SALL3: variants seen among roughly 807,000 people sequenced by gnomAD.
SALL3 encodes the protein spalt like transcription factor 3, also known as sal-like protein 3.
Under a neutral mutation model 66.2 loss-of-function variants are expected in SALL3, and 25 were observed. The observed-to-expected ratio is 0.38, with a 90% CI of 0.28 to 0.53. The LOEUF is 0.53. SALL3 is among the 20% of genes least tolerant of loss of function. The probability of loss-of-function intolerance (pLI) is 0.85; values close to 1 mark genes in which losing one functional copy is unlikely to be tolerated. For missense variants in SALL3, 2,194 were observed against 1,916.5 expected (o/e 1.14, Z -2.70); for synonymous variants, 1,152 against 899.1 (o/e 1.28, Z -5.03).
Position 78,997,502 on chromosome 18 carries a change from C to A in SALL3, c.*180C>A. 1.6e-6 allele frequency: 1 copy of A among 615,026 alleles called. No homozygotes were observed. The highest frequency in any genetic ancestry group is 2.8e-6 in the Non-Finnish European group (1 of 357,308). 38.1% of individuals were successfully genotyped at this position (615,026 alleles called of 1,614,324 possible). A position where few individuals can be genotyped will look rare whatever the true frequency, so the allele number is the denominator to read the frequency against. On this transcript the variant is annotated 3_prime_UTR_variant, in exon 3 of 3. Transcript: ENST00000537592. Reference sequence around the variant, plus strand: ...GCGCTCCCTTCAACAGCAAGCCTGACTGTTCTCGAGAACTCTGCAATCTTT... The same window carrying A: ...GCGCTCCCTTCAACAGCAAGCCTGAATGTTCTCGAGAACTCTGCAATCTTT...
Position 78,994,305 on chromosome 18 carries a change from C to T in SALL3, c.2314C>T (p.Pro772Ser). The change falls in exon 2 of 3, where the codon CCG becomes TCG. Residue 772 changes from proline to serine, a missense_variant. Transcript: ENST00000537592. Reference protein sequence around the residue: ...MGGQIPNTPLPEGFQDAMDSE... With the variant: ...MGGQIPNTPLSEGFQDAMDSE... ...CGGCCAGATCCCCAACACGCCGCTGCCGGAGGGCTTCCAGGATGCCATGGA... is the reference window on the plus strand; with the variant it reads ...CGGCCAGATCCCCAACACGCCGCTGTCGGAGGGCTTCCAGGATGCCATGGA... 1.9e-6 allele frequency: 3 copies of T among 1,613,700 alleles called. No homozygotes were observed. The highest frequency in any genetic ancestry group is 2.5e-6 in the Non-Finnish European group (3 of 1,180,024).
At chr18:78,982,085 AC>A (rs1914091163) in intron 1 of SALL3, among the ~76,000 whole-genome samples, 2 of 152,084 alleles carry the variant, frequency 1.3e-5, no homozygotes, top group Non-Finnish European at 2.9e-5. Context: ...AATAGAGTAA[AC>A]CCCCTGGTAT....
In SALL3 at chr18:78,979,877, C is replaced by T. The variant is rs1293990666; in HGVS notation, c.-398C>T. Among the ~76,000 whole-genome samples the T allele has an allele frequency of 1.2e-4, 17 of 144,506 alleles. No homozygotes were observed. The East Asian group carries it at 3.3e-3, about 28-fold the overall frequency. 94.8% of individuals were successfully genotyped at this position (144,506 alleles called of 152,430 possible). A position where few individuals can be genotyped will look rare whatever the true frequency, so the allele number is the denominator to read the frequency against. ...CTGCCTGCGCCCTGCGGAGGGACGG[C>T]CACCGCGGCCCGCGCCGCACCCGGG... is the stretch of plus-strand genomic sequence containing the variant. On this transcript the variant is annotated 5_prime_UTR_variant, in exon 1 of 3. Coordinates refer to ENST00000537592, the MANE Select transcript of SALL3 (RefSeq NM_171999.4).
Position 78,997,384 on chromosome 18 carries a change from C to T in SALL3, c.*62C>T, listed in dbSNP as rs540007417. 14 of 1,509,086 alleles carry T rather than the reference C, an allele frequency of 9.3e-6. No homozygotes were observed. Among genetic ancestry groups the T allele is most frequent in the Middle Eastern group, 3.5e-4 (2 of 5,732 alleles). The allele number at this position is 1,509,086 out of a possible 1,614,324, so 93.5% of individuals were successfully genotyped here. A position where few individuals can be genotyped will look rare whatever the true frequency, so the allele number is the denominator to read the frequency against. On this transcript the variant is annotated 3_prime_UTR_variant, in exon 3 of 3. Coordinates refer to ENST00000537592, the MANE Select transcript of SALL3 (RefSeq NM_171999.4). ...TTTTGAAGTTGGAGCATCAGGCCTC[C>T]GACCTTTCTTGCCTCGGTTCTCATT...
rs1913939471 is a variant in SALL3, at chr18:78,980,002, CG to C, written c.-271del. ...CGCGCGCCCCGGTCCCGAGGCGCCG[CG>C]GCCCCCTCCTCGTCGGCGCGGCCGC... On this transcript the variant is annotated 5_prime_UTR_variant, in exon 1 of 3. Transcript: ENST00000537592. Among the ~76,000 whole-genome samples, 1 of 145,704 alleles carries C rather than the reference CG, an allele frequency of 6.9e-6. No homozygotes were observed. The highest frequency in any genetic ancestry group is 2.5e-5 in the African/African-American group (1 of 40,690).
chr18:78,996,831 G>T, intron 2 of SALL3, 60 bp from the exon 3 acceptor site: 1 of 1,494,892 alleles, frequency 6.7e-7, no homozygotes, highest in South Asian at 1.3e-5. Context: ...GCTGGAAGCG[G>T]AGCAGCTCTG....
In SALL3 at chr18:78,998,623, GTCTC is replaced by G. The variant is rs957521834; in HGVS notation, c.*1310_*1313del. The G allele has an allele frequency of 5.3e-5, 8 of 152,274 alleles. No homozygotes were observed. Among genetic ancestry groups the G allele is most frequent in the African/African-American group, 1.9e-4 (8 of 41,522 alleles). The allele number at this position is 152,274 out of a possible 1,614,324, so 9.4% of individuals were successfully genotyped here. On this transcript the variant is annotated 3_prime_UTR_variant, in exon 3 of 3. Coordinates refer to ENST00000537592, the MANE Select transcript of SALL3 (RefSeq NM_171999.4). ...GTCTGATTTTCATGTAAGCGGGTCT[GTCTC>G]TCTCTCTCACCCACAGACAAGATTG... is the stretch of plus-strand genomic sequence containing the variant.
chr18:78,984,989 G>A (rs1415903027), intron 1 of SALL3: 12 of 152,232 alleles, frequency 7.9e-5, no homozygotes, highest in South Asian at 2.1e-4. Context: ...CAGCCAGCTC[G>A]GCGCAGAAAG....
Position 78,992,974 on chromosome 18 carries a change from C to A in SALL3, c.983C>A (p.Ala328Glu). ...CCCGCTGCCCCCGCCCCGGCGCCAG[C>A]GCCGCAGAGCGCAGCCTCGTCGCAG... ...PAPAAPAPAPAPQSAASSQPQ... is the reference protein window; with the variant it reads ...PAPAAPAPAPEPQSAASSQPQ... The change falls in exon 2 of 3, where the codon GCG becomes GAG. Residue 328 changes from alanine to glutamate, a missense_variant. By Grantham distance (107) the Ala-to-Glu change is moderately radical. Transcript: ENST00000537592. 2.3e-6 allele frequency: 3 copies of A among 1,326,662 alleles called. No individual in the cohort carries two copies. Among genetic ancestry groups the A allele is most frequent in the South Asian group, 3.8e-5 (2 of 52,774 alleles). 82.2% of individuals were successfully genotyped at this position (1,326,662 alleles called of 1,614,324 possible).
chr18:78,993,327 C>T lies in SALL3; in HGVS notation c.1336C>T (p.Arg446Trp), dbSNP rs1161111430. 6.2e-7 allele frequency: 1 copy of T among 1,612,274 alleles called. No individual in the cohort carries two copies. Among genetic ancestry groups the T allele is most frequent in the Non-Finnish European group, 8.5e-7 (1 of 1,179,850 alleles). Residue 446 changes from arginine to tryptophan, a missense_variant, in exon 2 of 3, where the codon CGG (arginine) becomes TGG (tryptophan). Arg to Trp is a moderately radical substitution (Grantham distance 101, BLOSUM62 -3). Coordinates refer to ENST00000537592, the MANE Select transcript of SALL3 (RefSeq NM_171999.4). The part of the protein sequence containing the change: ...QIHLRSHTGE[R>W]PFKCNICGNR... ...CCACCTGCGCTCGCACACAGGCGAG[C>T]GGCCCTTCAAGTGCAACATCTGCGG...
In SALL3 at chr18:78,994,755, C is replaced by G. The variant is rs1914621611; in HGVS notation, c.2764C>G (p.Leu922Val). ...GESFRSKSPG[L>V]GAPEEPQEIP... ...GAGCTTCCGCTCCAAGTCCCCGGGC[C>G]TGGGCGCCCCGGAGGAGCCCCAGGA... is the stretch of plus-strand genomic sequence containing the variant. Residue 922 changes from leucine (L) to valine (V), a missense_variant, in exon 2 of 3, where the codon CTG becomes GTG. Physicochemically the swap from Leu to Val is conservative, Grantham distance 32. Coordinates refer to ENST00000537592, the MANE Select transcript of SALL3 (RefSeq NM_171999.4). The G allele has an allele frequency of 6.9e-6, 11 of 1,601,544 alleles. No individual in the cohort carries two copies. Among genetic ancestry groups the G allele is most frequent in the African/African-American group, 1.3e-5 (1 of 74,782 alleles).
chr18:78,984,776 A>G (rs1165175742), intron 1 of SALL3, among the ~76,000 whole-genome samples: 2 of 152,226 alleles, frequency 1.3e-5, no homozygotes, highest in African/African-American at 4.8e-5. Flanking sequence ...AATGGTTTCT[A>G]TGTTAGAGAT....
rs1568296462 is a variant in SALL3 at position 78,994,678 on chromosome 18, T to C, written c.2687T>C (p.Leu896Pro). Residue 896 changes from leucine to proline, a missense_variant, in exon 2 of 3, where the codon CTG becomes CCG. Physicochemically the swap from Leu to Pro is moderately conservative, Grantham distance 98 (BLOSUM62 -3). Coordinates refer to ENST00000537592, the MANE Select transcript of SALL3 (RefSeq NM_171999.4). Reference protein sequence around the residue: ...LESRSAGSPALSESSSSQALS... With the variant: ...LESRSAGSPAPSESSSSQALS... Reference sequence around the variant, plus strand: ...AGCCGCAGCGCGGGCAGCCCCGCCCTGTCCGAGTCCTCGTCCTCGCAGGCC... The same window carrying C: ...AGCCGCAGCGCGGGCAGCCCCGCCCCGTCCGAGTCCTCGTCCTCGCAGGCC... 4 of 1,608,742 alleles carry C rather than the reference T, an allele frequency of 2.5e-6. No homozygotes were observed. The highest frequency in any genetic ancestry group is 1.7e-4 in the Middle Eastern group (1 of 5,990).
rs1599181131 is a variant in SALL3 at position 78,994,015 on chromosome 18, T to A, written c.2024T>A (p.Met675Lys). ...QQLVENIDKKMTDPNQCVICH... is the reference protein window; with the variant it reads ...QQLVENIDKKKTDPNQCVICH... ...CTGGTGGAGAACATCGACAAGAAGA[T>A]GACGGACCCGAACCAGTGCGTCATC... Residue 675 changes from methionine to lysine, a missense_variant, in exon 2 of 3, where the codon ATG becomes AAG. Transcript: ENST00000537592. 1 of 1,612,608 alleles carries A rather than the reference T, an allele frequency of 6.2e-7. No homozygotes were observed. Among genetic ancestry groups the A allele is most frequent in the Non-Finnish European group, 8.5e-7 (1 of 1,179,846 alleles).
Position 78,995,247 on chromosome 18 carries a change from G to C in SALL3, c.3256G>C (p.Val1086Leu). 1.3e-6 allele frequency: 2 copies of C among 1,599,576 alleles called. No individual in the cohort carries two copies. Among genetic ancestry groups the C allele is most frequent in the Non-Finnish European group, 1.7e-6 (2 of 1,177,750 alleles). The change falls in exon 2 of 3, where the codon GTC becomes CTC. Residue 1086 changes from valine to leucine, a missense_variant. Coordinates refer to ENST00000537592, the MANE Select transcript of SALL3 (RefSeq NM_171999.4). ...TCCCCCGCTGCCCGCGGGCGTCCAG[G>C]TCCCCGCCGGGCCTCAGACAGTGAT... is the stretch of plus-strand genomic sequence containing the variant. ...EGPPLPAGVQVPAGPQTVMGP... is the reference protein window; with the variant it reads ...EGPPLPAGVQLPAGPQTVMGP...
intron 1 of SALL3, 128 bp from the exon 2 acceptor site, chr18:78,991,946 C>G: frequency 1.4e-6 from 1 of 712,542 alleles, no homozygotes; most frequent in Middle Eastern, 4.2e-4. Context: ...AATACGCACG[C>G]TGGGACGTCA....
At chr18:78,986,664 C>T (rs896408590) in intron 1 of SALL3, among the ~76,000 whole-genome samples, 4 of 152,136 alleles carry the variant, frequency 2.6e-5, no homozygotes, top group Non-Finnish European at 2.9e-5. Flanking sequence ...GGAAAAAGTC[C>T]GTCTTCCTTT....
intron 1 of SALL3, among the ~76,000 whole-genome samples, chr18:78,990,101 G>A (rs3893229): frequency 0.059 from 8,952 of 152,118 alleles, 294 homozygotes; most frequent in African/African-American, 0.08. Flanking sequence ...TAACCTTTGC[G>A]GGTTTAAAAT....
chr18:78,996,354 C>A (rs1166397370), intron 2 of SALL3, among the ~76,000 whole-genome samples: 1 of 152,248 alleles, frequency 6.6e-6, no homozygotes, highest in Non-Finnish European at 1.5e-5. Flanking sequence ...GCCCAAAGAT[C>A]GATGCCTGTG....
Sources: allele counts gnomAD v4.1 joint callset (sites outside exome capture counted in the v4.1 genomes callset), GRCh38; gene constraint gnomAD v4.1.1; transcripts MANE v1.5; gene names NCBI Gene and HGNC (gene_info 2026-07-23, HGNC 2026-07-21).